The following SHANK2 variants were observed in gnomAD, a reference collection of about 807,000 sequenced individuals.
The protein encoded by SHANK2 is SH3 and multiple ankyrin repeat domains protein 2.
In SHANK2, 43 loss-of-function variants were observed where a neutral mutation model predicts 133.7. That is an observed-to-expected ratio of 0.32 (90% CI 0.25 to 0.41). The LOEUF is 0.41. Ranked by LOEUF, SHANK2 falls within the 10% of genes least tolerant of loss-of-function variation. The pLI is 1.00. For synonymous variants in SHANK2, 1,017 were observed against 952.8 expected (o/e 1.07, Z -1.24); for missense variants, 1,994 against 2,235.8 (o/e 0.89, Z 2.18).
At chr11:70,533,233 T>C (rs2059500609) in intron 17 of SHANK2, among the ~76,000 whole-genome samples, 2 of 152,188 alleles carry the variant, frequency 1.3e-5, no homozygotes, top group African/African-American at 4.8e-5. Context: ...GAATTTTATG[T>C]GTATTTTTAC....
At chr11:71,124,148 T>C (rs1442274950) in intron 3 of SHANK2, among the ~76,000 whole-genome samples, 2 of 147,662 alleles carry the variant, frequency 1.4e-5, no homozygotes, top group African/African-American at 5.1e-5. Context: ...ATAATGGTGA[T>C]GATGGTATTA....
At chr11:70,702,885 T>C (rs1945567210) in intron 14 of SHANK2, among the ~76,000 whole-genome samples, 1 of 152,214 alleles carries the variant, frequency 6.6e-6, no homozygotes, top group African/African-American at 2.4e-5. Flanking sequence ...ATTTCATCTT[T>C]AAAAGGATGA....
At chr11:70,801,231 T>C (rs1446176185) in intron 13 of SHANK2, among the ~76,000 whole-genome samples, 8 of 152,208 alleles carry the variant, frequency 5.3e-5, no homozygotes, top group African/African-American at 1.7e-4. Context: ...GGATGTGTTA[T>C]TGTTATTACA....
chr11:70,834,824 C>T (rs781994280), intron 11 of SHANK2, among the ~76,000 whole-genome samples: 4 of 152,194 alleles, frequency 2.6e-5, no homozygotes, highest in South Asian at 2.1e-4. Flanking sequence ...GAGGGAGGCC[C>T]GTGGAAAATC....
intron 11 of SHANK2, among the ~76,000 whole-genome samples, chr11:70,851,470 A>G (rs1353567927): frequency 6.6e-6 from 1 of 152,234 alleles, no homozygotes; most frequent in Non-Finnish European, 1.5e-5. Context: ...AAAGGGAATA[A>G]TGCCTTTCTC....
chr11:70,729,868 C>T lies in SHANK2; in HGVS notation c.1778-31105G>A, dbSNP rs115666018. Among the ~76,000 whole-genome samples the T allele has an allele frequency of 6.9e-3, 998 of 144,174 alleles. 11 individuals carry two copies. Among genetic ancestry groups the T allele is most frequent in the African/African-American group, 0.024 (940 of 38,568 alleles). The allele number at this position is 144,174 out of a possible 152,430, so 94.6% of individuals were successfully genotyped here. Reference sequence around the variant, plus strand: ...ACTTTAAAAATGGGGATAGTTCTGGCGTTTGAGAATGATATCTCAACAAAG... The same window carrying T: ...ACTTTAAAAATGGGGATAGTTCTGGTGTTTGAGAATGATATCTCAACAAAG... On this transcript the variant is annotated intron_variant, in intron 14 of 25. Coordinates refer to ENST00000601538, the MANE Select transcript of SHANK2 (RefSeq NM_012309.5).
chr11:70,495,212 A>G (rs1475884910), intron 21 of SHANK2, among the ~76,000 whole-genome samples: 1 of 152,074 alleles, frequency 6.6e-6, no homozygotes, highest in African/African-American at 2.4e-5. Flanking sequence ...GGTCCCTGTC[A>G]ACCTCCCTGG....
intron 17 of SHANK2, among the ~76,000 whole-genome samples, chr11:70,633,187 CATAA>C (rs1200086408): frequency 2.0e-5 from 3 of 148,100 alleles, no homozygotes; most frequent in South Asian, 2.1e-4. Flanking sequence ...ATATACGTAA[CATAA>C]ATGTTATATT....
intron 11 of SHANK2, among the ~76,000 whole-genome samples, chr11:70,850,530 T>C (rs545763140): frequency 6.6e-6 from 1 of 152,260 alleles, no homozygotes; most frequent in South Asian, 2.1e-4. Flanking sequence ...GTAGAAACCA[T>C]ACCAAGGATG....
At chr11:70,589,997 CA>C (rs1266787777) in intron 17 of SHANK2, among the ~76,000 whole-genome samples, 5 of 151,798 alleles carry the variant, frequency 3.3e-5, no homozygotes, top group South Asian at 2.1e-4. Context: ...ACTAAAAATA[CA>C]AAAAAAATTA....
intron 17 of SHANK2, among the ~76,000 whole-genome samples, chr11:70,557,084 TCAGAAG>T (rs1420063619): frequency 1.2e-4 from 19 of 152,258 alleles, no homozygotes; most frequent in Admixed American, 3.9e-4. Flanking sequence ...CTGGTGTGAC[TCAGAAG>T]GACCCAACCA....
intron 11 of SHANK2, among the ~76,000 whole-genome samples, chr11:70,874,093 CATCTT>C (rs1555070726): frequency 6.6e-6 from 1 of 152,124 alleles, no homozygotes; most frequent in African/African-American, 2.4e-5. Flanking sequence ...TCCATCCATC[CATCTT>C]ATCTATCAAT....
intron 8 of SHANK2, among the ~76,000 whole-genome samples, chr11:71,076,505 A>G (rs1382395426): frequency 2.0e-5 from 3 of 148,978 alleles, no homozygotes; most frequent in Non-Finnish European, 4.5e-5. Context: ...AAAACAAAAA[A>G]AAAACAAACA....
intron 11 of SHANK2, among the ~76,000 whole-genome samples, chr11:70,839,870 A>T (rs1294497842): frequency 6.6e-6 from 1 of 152,244 alleles, no homozygotes; most frequent in East Asian, 1.9e-4. Flanking sequence ...TTTAACCTTC[A>T]AATAAATTCC....
intron 10 of SHANK2, among the ~76,000 whole-genome samples, chr11:70,944,954 C>A (rs1950702276): frequency 6.6e-6 from 1 of 152,244 alleles, no homozygotes; most frequent in Non-Finnish European, 1.5e-5. Context: ...TATTCTCTTA[C>A]TGCACTGAGG....
At chr11:71,133,307 T>C (rs1391691452) in intron 3 of SHANK2, among the ~76,000 whole-genome samples, 5 of 143,168 alleles carry the variant, frequency 3.5e-5, no homozygotes, top group African/African-American at 1.4e-4. Flanking sequence ...GCTGGCTGGC[T>C]GGCTGGCTGG....
rs141482340 is a variant in SHANK2, at chr11:71,220,704, T to A, written c.-13+3993A>T. 9.4e-3 allele frequency among the ~76,000 whole-genome samples: 1,424 copies of A among 151,656 alleles called. 64 individuals are homozygous for A. The highest frequency in any genetic ancestry group is 0.075 in the Admixed American group (1,138 of 15,236). On this transcript the variant is annotated intron_variant, in intron 2 of 25. Coordinates refer to ENST00000601538, the MANE Select transcript of SHANK2 (RefSeq NM_012309.5). ...AAAATCTCACATGACCCCACTCCCA[T>A]GAGGTTCCTAGAGTGGGGAAATCCA...
intron 14 of SHANK2, among the ~76,000 whole-genome samples, chr11:70,758,227 C>T (rs182627938): frequency 2.6e-5 from 4 of 152,224 alleles, no homozygotes; most frequent in Admixed American, 6.5e-5. Context: ...AATGGCTACC[C>T]GCTTTGGGTC....
At chr11:71,067,984 C>T (rs1284052364) in intron 9 of SHANK2, among the ~76,000 whole-genome samples, 2 of 151,508 alleles carry the variant, frequency 1.3e-5, no homozygotes, top group Admixed American at 1.3e-4. Flanking sequence ...CCATCATCAC[C>T]ACCACCATCA....
Sources: gnomAD v4.1 joint callset for allele counts (sites outside exome capture counted in the v4.1 genomes callset) on GRCh38, gnomAD v4.1.1 for gene constraint, MANE v1.5 for transcripts, NCBI Gene and HGNC (gene_info 2026-07-23, HGNC 2026-07-21) for gene names.